PLPP1: variants seen among roughly 807,000 people sequenced by gnomAD.
PLPP1 encodes the protein phospholipid phosphatase 1.
PLPP1 carries 24 observed loss-of-function variants against 31.2 expected under a neutral mutation model. The observed-to-expected ratio is 0.77, with a 90% CI of 0.56 to 1.08. The LOEUF is 1.08. Ranked by LOEUF, PLPP1 falls within the 50% of genes least tolerant of loss-of-function variation. The pLI, the probability that PLPP1 is intolerant of heterozygous loss-of-function variation, is 0.00. For synonymous variants in PLPP1, 146 were observed against 126.3 expected, an observed-to-expected ratio of 1.16 and a Z score of -1.05; for missense variants, 319 against 342.7, an observed-to-expected ratio of 0.93 and a Z score of 0.55.
chr5:55,443,254 G>A (rs973306428), intron 3 of PLPP1, among the ~76,000 whole-genome samples: 1 of 125,516 alleles, frequency 8.0e-6, no homozygotes, highest in Admixed American at 9.0e-5. Context: ...ATTCTACCAA[G>A]AATTTTGATT....
At chr5:55,487,412 T>C (rs1027444693) in intron 1 of PLPP1, among the ~76,000 whole-genome samples, 13 of 142,978 alleles carry the variant, frequency 9.1e-5, no homozygotes, top group Non-Finnish European at 1.8e-4. Flanking sequence ...GTGTCAAATC[T>C]AATATGGATC....
At chr5:55,478,324 C>T (rs565527730) in intron 1 of PLPP1, among the ~76,000 whole-genome samples, 8 of 152,222 alleles carry the variant, frequency 5.3e-5, no homozygotes, top group Non-Finnish European at 8.8e-5. Context: ...TAAGTAAACC[C>T]ACTGTGCAAG....
chr5:55,443,192 A>AAAAAAAAAAAAAAT, intron 3 of PLPP1, among the ~76,000 whole-genome samples: 1 of 25,444 alleles, frequency 3.9e-5, no homozygotes, highest in African/African-American at 1.1e-4. Context: ...AAAAAAAAAA[A>AAAAAAAAAAAAAAT]ATATATATAT....
intron 1 of PLPP1, among the ~76,000 whole-genome samples, chr5:55,532,225 A>G (rs188120979): frequency 4.7e-5 from 7 of 150,364 alleles, no homozygotes; most frequent in African/African-American, 1.2e-4. Flanking sequence ...ATTATATGTG[A>G]TTTTTTTTTT....
intron 1 of PLPP1, chr5:55,530,591 A>G: frequency 1.5e-6 from 2 of 1,355,708 alleles, no homozygotes; most frequent in Non-Finnish European, 2.1e-6. Context: ...AAGATTTGCA[A>G]TGAAGTCTCA....
At chr5:55,471,587 T>C (rs1752416712) in intron 2 of PLPP1, among the ~76,000 whole-genome samples, 1 of 152,194 alleles carries the variant, frequency 6.6e-6, no homozygotes, top group African/African-American at 2.4e-5. Flanking sequence ...ATTGAAATTA[T>C]CTCATGTCTT....
chr5:55,462,364 A>G (rs1424542888), intron 3 of PLPP1, among the ~76,000 whole-genome samples: 1 of 152,224 alleles, frequency 6.6e-6, no homozygotes, highest in Non-Finnish European at 1.5e-5. Flanking sequence ...ATTTTCAACA[A>G]AAGTGCCAAC....
intron 3 of PLPP1, among the ~76,000 whole-genome samples, chr5:55,455,384 G>A (rs550095279): frequency 6.6e-6 from 1 of 152,246 alleles, no homozygotes; most frequent in African/African-American, 2.4e-5. Flanking sequence ...TTGAGCCCAG[G>A]TGTTTAAGAC....
At chr5:55,457,451 T>C (rs979562990) in intron 3 of PLPP1, among the ~76,000 whole-genome samples, 1 of 152,226 alleles carries the variant, frequency 6.6e-6, no homozygotes, top group African/African-American at 2.4e-5. Flanking sequence ...ACAAAATAAT[T>C]ATTTTTATAC....
chr5:55,530,834 C>CGGGGCAGTAGGATGT lies in PLPP1; in HGVS notation c.58+3723_58+3737dup. 3 of 1,262,390 alleles carry CGGGGCAGTAGGATGT rather than the reference C, an allele frequency of 2.4e-6. No individual in the cohort carries two copies. In the South Asian group the frequency reaches 3.7e-5, roughly 15 times the overall value. 78.2% of individuals were successfully genotyped at this position (1,262,390 alleles called of 1,614,324 possible). A position where few individuals can be genotyped will look rare whatever the true frequency, so the allele number is the denominator to read the frequency against. Reference sequence around the variant, plus strand: ...GGCGTTTTGAGCACCTCCTGACAGACGGGGCAGTAGGATGTGGCCGCGGAG... The same window carrying CGGGGCAGTAGGATGT: ...GGCGTTTTGAGCACCTCCTGACAGACGGGGCAGTAGGATGTGGGGCAGTAGGATGTGGCCGCGGAG... On this transcript the variant is annotated intron_variant, in intron 1 of 5. Transcript: ENST00000307259.
At chr5:55,447,897 T>C (rs1297689708) in intron 3 of PLPP1, among the ~76,000 whole-genome samples, 2 of 152,208 alleles carry the variant, frequency 1.3e-5, no homozygotes, top group Non-Finnish European at 2.9e-5. Context: ...GTCTTTTTTG[T>C]ACACTCTAAA....
At chr5:55,441,226 G>A (rs542461628) in intron 4 of PLPP1, among the ~76,000 whole-genome samples, 4 of 152,224 alleles carry the variant, frequency 2.6e-5, no homozygotes, top group African/African-American at 7.2e-5. Context: ...GCAAATCTTC[G>A]TAAGGCCTCA....
chr5:55,440,867 A>G (rs1036440792), intron 4 of PLPP1, among the ~76,000 whole-genome samples: 1 of 152,192 alleles, frequency 6.6e-6, no homozygotes, highest in African/African-American at 2.4e-5. Flanking sequence ...ACTTAATGTG[A>G]TCAAAGGGAA....
chr5:55,474,646 T>C (rs1371643651), intron 2 of PLPP1, among the ~76,000 whole-genome samples: 1 of 152,216 alleles, frequency 6.6e-6, no homozygotes, highest in Non-Finnish European at 1.5e-5. Flanking sequence ...CTAAAAATTA[T>C]TTAAAGTAAG....
intron 1 of PLPP1, among the ~76,000 whole-genome samples, chr5:55,477,295 G>A (rs919109604): frequency 6.6e-6 from 1 of 152,092 alleles, no homozygotes; most frequent in East Asian, 1.9e-4. Context: ...GCTGCCCCAT[G>A]CAGTAACTAA....
intron 1 of PLPP1, among the ~76,000 whole-genome samples, chr5:55,525,680 T>C (rs1433612006): frequency 1.3e-5 from 2 of 151,982 alleles, no homozygotes; most frequent in Non-Finnish European, 2.9e-5. Context: ...GCAACCTACC[T>C]AAACCATTTG....
intron 3 of PLPP1, among the ~76,000 whole-genome samples, chr5:55,465,481 T>C (rs1426628234): frequency 1.3e-5 from 2 of 152,234 alleles, no homozygotes; most frequent in African/African-American, 2.4e-5. Flanking sequence ...ATCTTTTGGC[T>C]TCCCCGCACC....
chr5:55,439,718 G>A (rs1751580367), intron 4 of PLPP1, among the ~76,000 whole-genome samples: 1 of 152,274 alleles, frequency 6.6e-6, no homozygotes, highest in Middle Eastern at 3.4e-3. Flanking sequence ...ACAGCCCTCA[G>A]TACAAGTTAC....
chr5:55,469,715 A>G (rs1300338112), intron 2 of PLPP1, among the ~76,000 whole-genome samples: 1 of 152,206 alleles, frequency 6.6e-6, no homozygotes, highest in African/African-American at 2.4e-5. Context: ...AAGTCTTACC[A>G]TAAGTAAAAT....
Sources: allele counts gnomAD v4.1 joint callset (sites outside exome capture counted in the v4.1 genomes callset), GRCh38; gene constraint gnomAD v4.1.1; transcripts MANE v1.5; gene names NCBI Gene and HGNC (gene_info 2026-07-23, HGNC 2026-07-21).